Variants in HOOK3 observed in about 807,000 individuals in gnomAD.
The protein encoded by HOOK3 is protein Hook homolog 3.
A neutral mutation model predicts 116.3 loss-of-function variants in HOOK3; 24 were observed. The ratio of observed to expected loss-of-function variants is 0.21; its 90% confidence interval spans 0.15 to 0.29. The LOEUF (loss-of-function observed/expected upper bound fraction) is 0.29. Ranked by LOEUF, HOOK3 falls within the 10% of genes least tolerant of loss-of-function variation. The pLI is 1.00. For synonymous variants in HOOK3, 275 were observed against 283.0 expected (o/e 0.97, Z 0.28); for missense variants, 632 against 830.2 (o/e 0.76, Z 2.93).
At chr8:42,996,398 A>AAAAAAG (rs1402249458) in intron 15 of HOOK3, among the ~76,000 whole-genome samples, 18 of 151,672 alleles carry the variant, frequency 1.2e-4, no homozygotes, top group South Asian at 8.3e-4. Flanking sequence ...AAAAAAAAAA[A>AAAAAAG]AAAAAGAAAA....
intron 5 of HOOK3, among the ~76,000 whole-genome samples, chr8:42,948,882 T>C (rs1239531193): frequency 6.6e-6 from 1 of 152,214 alleles, no homozygotes; most frequent in Non-Finnish European, 1.5e-5. Flanking sequence ...GATTTAGTTG[T>C]GTTATGTATA....
intron 16 of HOOK3, among the ~76,000 whole-genome samples, chr8:43,001,436 T>G (rs1194475198): frequency 6.6e-6 from 1 of 152,174 alleles, no homozygotes; most frequent in African/African-American, 2.4e-5. Flanking sequence ...TCCATAAAAT[T>G]TATTAATAGT....
intron 11 of HOOK3, 135 bp from the exon 12 acceptor site, chr8:42,973,154 T>C (rs1454103717): frequency 2.3e-6 from 2 of 861,688 alleles, no homozygotes; most frequent in Non-Finnish European, 3.3e-6. Context: ...TTCTCTCCAC[T>C]GTGTTAGACT....
At chr8:42,899,567 C>G (rs767642785) in intron 1 of HOOK3, among the ~76,000 whole-genome samples, 6 of 152,216 alleles carry the variant, frequency 3.9e-5, no homozygotes, top group Non-Finnish European at 7.3e-5. Flanking sequence ...AATATCACCC[C>G]TCCTATCTGT....
At chr8:42,987,501 T>C (rs1809070461) in intron 15 of HOOK3, among the ~76,000 whole-genome samples, 1 of 152,198 alleles carries the variant, frequency 6.6e-6, no homozygotes, top group Non-Finnish European at 1.5e-5. Flanking sequence ...GTGTTGGAGC[T>C]CTGTTGGTGT....
At chr8:42,919,040 C>T (rs567355054) in intron 2 of HOOK3, among the ~76,000 whole-genome samples, 13 of 142,108 alleles carry the variant, frequency 9.1e-5, no homozygotes, top group African/African-American at 1.3e-4. Flanking sequence ...GCTGGCCGGG[C>T]GGGGGCTGCC....
chr8:42,966,395 T>C (rs184260451), intron 9 of HOOK3, 78 bp from the exon 10 acceptor site: 1 of 1,450,534 alleles, frequency 6.9e-7, no homozygotes, highest in Admixed American at 2.0e-5. Flanking sequence ...TCATGCTTTA[T>C]ATCTTTCTTT....
intron 2 of HOOK3, among the ~76,000 whole-genome samples, chr8:42,912,177 C>T (rs1807443210): frequency 6.6e-6 from 1 of 152,168 alleles, no homozygotes; most frequent in African/African-American, 2.4e-5. Context: ...ATCAGTCCTT[C>T]TCATTTTGTC....
chr8:42,950,677 T>C (rs1440868681), intron 6 of HOOK3, among the ~76,000 whole-genome samples: 2 of 151,982 alleles, frequency 1.3e-5, no homozygotes, highest in Non-Finnish European at 2.9e-5. Context: ...GGTATAGATA[T>C]AACTATTCCT....
intron 21 of HOOK3, among the ~76,000 whole-genome samples, chr8:43,017,811 AC>A (rs1047291773): frequency 4.0e-5 from 6 of 150,862 alleles, no homozygotes; most frequent in Admixed American, 1.3e-4. Context: ...TTCAAGAAAG[AC>A]CCCCTTCTCT....
chr8:42,950,808 C>T (rs959481191), intron 6 of HOOK3, among the ~76,000 whole-genome samples: 1 of 151,998 alleles, frequency 6.6e-6, no homozygotes, highest in East Asian at 1.9e-4. Flanking sequence ...GCCTCACTCT[C>T]CCGAATAGCT....
intron 2 of HOOK3, among the ~76,000 whole-genome samples, chr8:42,908,202 A>G (rs1409462288): frequency 6.6e-6 from 1 of 152,264 alleles, no homozygotes; most frequent in Non-Finnish European, 1.5e-5. Context: ...CTCTGTATTC[A>G]TAGATTAGAA....
rs954952476 is a variant in HOOK3 at position 43,023,369 on chromosome 8, G to C, written c.*4871G>C. ...ATACATTTTATTGATGAGCCACTTTGCTATCTCTCCTTCCTTCCTCCTTCC... is the reference window on the plus strand; with the variant it reads ...ATACATTTTATTGATGAGCCACTTTCCTATCTCTCCTTCCTTCCTCCTTCC... On this transcript the variant is annotated 3_prime_UTR_variant, in exon 22 of 22. Transcript: ENST00000307602. 1 of 174,798 alleles carries C rather than the reference G, an allele frequency of 5.7e-6. No homozygotes were observed. Among genetic ancestry groups the C allele is most frequent in the Non-Finnish European group, 1.2e-5 (1 of 82,698 alleles). 10.8% of individuals were successfully genotyped at this position (174,798 alleles called of 1,614,324 possible). A position where few individuals can be genotyped will look rare whatever the true frequency, so the allele number is the denominator to read the frequency against.
intron 4 of HOOK3, among the ~76,000 whole-genome samples, chr8:42,939,942 G>A (rs547285256): frequency 8.7e-5 from 13 of 149,872 alleles, no homozygotes; most frequent in South Asian, 4.3e-4. Context: ...GGGAAGAGGC[G>A]CTCCTCACTT....
At chr8:42,989,379 T>C (rs1809112110) in intron 15 of HOOK3, among the ~76,000 whole-genome samples, 1 of 152,272 alleles carries the variant, frequency 6.6e-6, no homozygotes, top group African/African-American at 2.4e-5. Context: ...GCAGGGACTC[T>C]GCTAGGCACA....
At chr8:42,943,509 T>G in intron 5 of HOOK3, 64 bp downstream of exon 5, 1 of 1,126,792 alleles carries the variant, frequency 8.9e-7, no homozygotes, top group South Asian at 3.5e-5. Flanking sequence ...ATATTTTATA[T>G]TTTATATATA....
At chr8:42,964,597 C>A in intron 9 of HOOK3, 123 bp downstream of exon 9, 1 of 782,000 alleles carries the variant, frequency 1.3e-6, no homozygotes, top group Non-Finnish European at 2.0e-6. Context: ...GAGGCTGAGG[C>A]GGGCTGATCA....
chr8:42,994,264 C>T (rs1809222758), intron 15 of HOOK3, among the ~76,000 whole-genome samples: 1 of 151,826 alleles, frequency 6.6e-6, no homozygotes, highest in Non-Finnish European at 1.5e-5. Context: ...GATCCACCCA[C>T]ATTGGCCTCC....
chr8:43,014,599 C>T (rs1809675450), intron 21 of HOOK3, among the ~76,000 whole-genome samples: 1 of 152,080 alleles, frequency 6.6e-6, no homozygotes, highest in Middle Eastern at 3.4e-3. Context: ...ATCCACCTGC[C>T]TTGGCCTCCC....
Sources: allele counts gnomAD v4.1 joint callset (sites outside exome capture counted in the v4.1 genomes callset), GRCh38; gene constraint gnomAD v4.1.1; transcripts MANE v1.5; gene names NCBI Gene and HGNC (gene_info 2026-07-23, HGNC 2026-07-21).